The following TAS2R1 variants were observed in gnomAD, a reference collection of about 807,000 sequenced individuals.
TAS2R1 encodes taste 2 receptor member 1, also known as taste receptor type 2 member 1.
For synonymous variants in TAS2R1, 141 were observed against 134.2 expected, an observed-to-expected ratio of 1.05 and a Z score of -0.35; for missense variants, 370 against 353.4, an observed-to-expected ratio of 1.05 and a Z score of -0.38.
intron 1 of TAS2R1, among the ~76,000 whole-genome samples, chr5:9,662,575 A>G (rs957511241): frequency 6.6e-6 from 1 of 152,230 alleles, no homozygotes; most frequent in Non-Finnish European, 1.5e-5. Context: ...AGGTGCCTGA[A>G]AGAGGAGAGC....
At chr5:9,752,588 G>T in the TAS2R1 span, among the ~76,000 whole-genome samples, 2 of 152,108 alleles carry the variant, frequency 1.3e-5, no homozygotes, top group East Asian at 3.9e-4. Flanking sequence ...TAGGGTACAT[G>T]TGCACAACAT....
chr5:9,791,812 T>G, the TAS2R1 span, among the ~76,000 whole-genome samples: 1 of 152,198 alleles, frequency 6.6e-6, no homozygotes, highest in African/African-American at 2.4e-5. Flanking sequence ...GACTCTGTTG[T>G]ACAGCCTGGG....
chr5:9,718,187 T>C, the TAS2R1 span, among the ~76,000 whole-genome samples: 34 of 151,608 alleles, frequency 2.2e-4, no homozygotes, highest in Non-Finnish European at 4.4e-4. Context: ...GCCAGGATCG[T>C]CTTGATCTCC....
the TAS2R1 span, among the ~76,000 whole-genome samples, chr5:9,892,204 A>T: frequency 1.3e-5 from 2 of 152,152 alleles, no homozygotes; most frequent in African/African-American, 2.4e-5. Flanking sequence ...TCTTGCCTAG[A>T]TATCAAAGCA....
the TAS2R1 span, among the ~76,000 whole-genome samples, chr5:9,780,175 C>T: frequency 6.6e-6 from 1 of 152,162 alleles, no homozygotes; most frequent in African/African-American, 2.4e-5. Context: ...TCACCCCCTC[C>T]CACTCTGACA....
chr5:9,874,860 A>G, the TAS2R1 span, among the ~76,000 whole-genome samples: 1 of 152,150 alleles, frequency 6.6e-6, no homozygotes, highest in Non-Finnish European at 1.5e-5. Context: ...CCTCAATCCC[A>G]TCAACTTCTG....
chr5:9,821,538 G>A, the TAS2R1 span, among the ~76,000 whole-genome samples: 1 of 152,206 alleles, frequency 6.6e-6, no homozygotes, highest in African/African-American at 2.4e-5. Context: ...TGTACACAAG[G>A]CTAGGACCAA....
At chr5:9,825,827 T>C in the TAS2R1 span, among the ~76,000 whole-genome samples, 1 of 152,232 alleles carries the variant, frequency 6.6e-6, no homozygotes, top group Admixed American at 6.5e-5. Flanking sequence ...TAATCCTATT[T>C]TTTTTGTATA....
At chr5:9,829,765 G>A in the TAS2R1 span, among the ~76,000 whole-genome samples, 15,891 of 151,980 alleles carry the variant, frequency 0.1, 924 homozygotes, top group Non-Finnish European at 0.13. Flanking sequence ...TAACCCAGAG[G>A]AGCATTCCTC....
intron 1 of TAS2R1, among the ~76,000 whole-genome samples, chr5:9,692,090 C>T (rs888465925): frequency 1.3e-5 from 2 of 152,116 alleles, no homozygotes; most frequent in East Asian, 1.9e-4. Context: ...CATCGGGCTC[C>T]GCAGTCTGCA....
chr5:9,750,229 T>C, the TAS2R1 span, among the ~76,000 whole-genome samples: 1 of 152,118 alleles, frequency 6.6e-6, no homozygotes, highest in Admixed American at 6.5e-5. Context: ...TGCCTCCCTA[T>C]CTCTTCCACT....
intron 1 of TAS2R1, among the ~76,000 whole-genome samples, chr5:9,700,812 T>C (rs1164373805): frequency 2.0e-5 from 3 of 152,148 alleles, no homozygotes; most frequent in Non-Finnish European, 4.4e-5. Context: ...GTCTCTGTCC[T>C]CATCTCCTCT....
chr5:9,629,304 T>C lies in TAS2R1; in HGVS notation c.729A>G (p.Ile243Met). 1 of 1,613,504 alleles carries C rather than the reference T, an allele frequency of 6.2e-7. No homozygotes were observed. The highest frequency in any genetic ancestry group is 1.1e-5 in the South Asian group (1 of 91,022). The change falls in exon 1 of 1, where the codon ATA (isoleucine) becomes ATG (methionine). Residue 243 changes from isoleucine (I) to methionine (M), a missense_variant. Transcript: ENST00000382492. ...ACTTTAGAGAAGAGAGAAAAACTTT[T>C]ATCATGCAGTGGGAGAAGTAGAGGA... ...FLILYFSHCM[I>M]KVFLSSLKFH...
upstream of TAS2R1, among the ~76,000 whole-genome samples, chr5:9,632,490 G>A (rs1318559051): frequency 6.6e-6 from 1 of 152,176 alleles, no homozygotes; most frequent in African/African-American, 2.4e-5. Flanking sequence ...AGACCTCTCT[G>A]TAGCATGTGA....
chr5:9,873,063 G>T, the TAS2R1 span, among the ~76,000 whole-genome samples: 1 of 152,168 alleles, frequency 6.6e-6, no homozygotes, highest in African/African-American at 2.4e-5. Context: ...GAGCTATTTT[G>T]ATTTTCCTTT....
the TAS2R1 span, among the ~76,000 whole-genome samples, chr5:9,743,009 C>T: frequency 2.0e-5 from 3 of 151,886 alleles, no homozygotes; most frequent in East Asian, 5.8e-4. Flanking sequence ...AAGATCTCAT[C>T]AGGAACCAAT....
the TAS2R1 span, among the ~76,000 whole-genome samples, chr5:9,857,623 C>A: frequency 2.6e-5 from 4 of 152,076 alleles, no homozygotes. Flanking sequence ...ATTTTGAATT[C>A]TTTATCAGGA....
At chr5:9,795,480 C>T in the TAS2R1 span, among the ~76,000 whole-genome samples, 1 of 152,040 alleles carries the variant, frequency 6.6e-6, no homozygotes, top group Non-Finnish European at 1.5e-5. Flanking sequence ...GCCTTAATTG[C>T]CTTCTACCTC....
At chr5:9,716,529 GTA>G (rs563426001), upstream of TAS2R1, among the ~76,000 whole-genome samples, 7 of 123,606 alleles carry the variant, frequency 5.7e-5, no homozygotes, top group Admixed American at 6.1e-4. Flanking sequence ...TACCAAGTCT[GTA>G]AACAGTACAT....
Sources: allele counts gnomAD v4.1 joint callset (sites outside exome capture counted in the v4.1 genomes callset), GRCh38; gene constraint gnomAD v4.1.1; transcripts MANE v1.5; gene names NCBI Gene and HGNC (gene_info 2026-07-23, HGNC 2026-07-21).